Variants in CENPC observed in about 807,000 individuals in gnomAD.
The protein encoded by CENPC is centromere protein C.
In CENPC, 63 loss-of-function variants were observed where a neutral mutation model predicts 112.1. The observed-to-expected ratio is 0.56, with a 90% CI of 0.46 to 0.69. CENPC has a LOEUF of 0.69. CENPC is among the 30% of genes least tolerant of loss of function. The pLI is 0.00. For synonymous variants in CENPC, 333 were observed against 367.6 expected (o/e 0.91, Z 1.08); for missense variants, 1,000 against 1,103.8 (o/e 0.91, Z 1.33).
intron 12 of CENPC, among the ~76,000 whole-genome samples, chr4:67,501,692 T>C (rs1474911146): frequency 6.6e-6 from 1 of 152,178 alleles, no homozygotes; most frequent in African/African-American, 2.4e-5. Context: ...TCCTTATTTG[T>C]ATGGTTCGAG....
intron 4 of CENPC, among the ~76,000 whole-genome samples, chr4:67,534,071 C>A (rs373014913): frequency 3.3e-5 from 5 of 151,426 alleles, no homozygotes; most frequent in Non-Finnish European, 7.4e-5. Context: ...GTGTTAAAAG[C>A]GTGTATAGTT....
intron 4 of CENPC, among the ~76,000 whole-genome samples, chr4:67,531,528 T>C (rs554968306): frequency 6.6e-6 from 1 of 152,342 alleles, no homozygotes; most frequent in Non-Finnish European, 1.5e-5. Flanking sequence ...CCTAGACTGT[T>C]TGTATAAATA....
chr4:67,510,349 G>A (rs2646290), intron 9 of CENPC, among the ~76,000 whole-genome samples: 95,849 of 152,042 alleles, frequency 0.63, 30,479 homozygotes, highest in East Asian at 0.81. Context: ...CCTTCAGGAA[G>A]CTTTCCCTAA....
intron 17 of CENPC, among the ~76,000 whole-genome samples, chr4:67,478,036 G>A (rs1052423798): frequency 3.3e-5 from 5 of 151,920 alleles, no homozygotes; most frequent in African/African-American, 9.7e-5. Context: ...ACAAAGCCTT[G>A]AAGAAGTTTG....
intron 7 of CENPC, among the ~76,000 whole-genome samples, chr4:67,517,635 C>T (rs777020936): frequency 6.1e-4 from 93 of 151,508 alleles, no homozygotes; most frequent in South Asian, 1.5e-3. Context: ...GTCAGGAGTT[C>T]GAGACCAGCC....
At chr4:67,490,863 T>G (rs28735022) in intron 16 of CENPC, among the ~76,000 whole-genome samples, 29,904 of 63,886 alleles carry the variant, frequency 0.47, 3,576 homozygotes, top group South Asian at 0.55. Context: ...TATATATATA[T>G]ATATATATAT....
At chr4:67,522,594 T>C (rs55792839) in intron 5 of CENPC, among the ~76,000 whole-genome samples, 26,409 of 152,172 alleles carry the variant, frequency 0.17, 2,843 homozygotes, top group South Asian at 0.27. Flanking sequence ...TATAGCCTTT[T>C]ATGACCTAAT....
At position 67,545,480 on chromosome 4, in the gene CENPC, T is replaced by A. The variant is rs1727010299; in HGVS notation, c.-125A>T. 6 of 980,228 alleles carry A rather than the reference T, an allele frequency of 6.1e-6. No individual in the cohort carries two copies. The highest frequency in any genetic ancestry group is 6.9e-6 in the Non-Finnish European group (5 of 725,054). The allele number at this position is 980,228 out of a possible 1,614,324, so 60.7% of individuals were successfully genotyped here. A position where few individuals can be genotyped will look rare whatever the true frequency, so the allele number is the denominator to read the frequency against. On this transcript the variant is annotated 5_prime_UTR_variant, in exon 1 of 19. Transcript: ENST00000273853. ...GCCGCGGCCAAGCAATAACCTTAAGTCTCAGGCGACTGCCGCGAGAGCTGC... is the reference window on the plus strand; with the variant it reads ...GCCGCGGCCAAGCAATAACCTTAAGACTCAGGCGACTGCCGCGAGAGCTGC...
At position 67,509,087 on chromosome 4, in the gene CENPC, G is replaced by A; in HGVS notation, c.1631C>T (p.Ser544Phe). ...KSEESPVYSN[S>F]SVRNELPMHH... ...CATTGGTAATTCATTTCTTACTGAA[G>A]AATTGCTATAAACAGGACCTGAAGG... The change falls in exon 10 of 19, where the codon TCT becomes TTT. Residue 544 changes from serine (S) to phenylalanine (F), a missense_variant. Coordinates refer to ENST00000273853, the MANE Select transcript of CENPC (RefSeq NM_001812.4). The A allele has an allele frequency of 6.2e-7, 1 of 1,607,430 alleles. No homozygotes were observed. The highest frequency in any genetic ancestry group is 2.2e-5 in the East Asian group (1 of 44,764).
Position 67,490,115 on chromosome 4 carries a change from A to C in CENPC, c.2522T>G (p.Val841Gly). The C allele has an allele frequency of 6.2e-7, 1 of 1,600,698 alleles. No homozygotes were observed. Among genetic ancestry groups the C allele is most frequent in the Non-Finnish European group, 8.5e-7 (1 of 1,174,342 alleles). The change falls in exon 17 of 19, where the codon GTA (valine) becomes GGA (glycine). Residue 841 changes from valine to glycine, a missense_variant. By Grantham distance (109) the Val-to-Gly change is moderately radical. Transcript: ENST00000273853. ...ETREIILMDL[V>G]RPQDTYQFFV... ...AAATTGATATGTATCTTGTGGCCTT[A>C]CAAGATCTAGGAGTAAAACAGTAAT...
chr4:67,515,649 T>A (rs173317), intron 7 of CENPC, among the ~76,000 whole-genome samples: 1 of 151,854 alleles, frequency 6.6e-6, no homozygotes, highest in Non-Finnish European at 1.5e-5. Flanking sequence ...AAATAATAAA[T>A]GTTGTTTTAA....
chr4:67,531,957 C>T (rs1443704071), intron 4 of CENPC, among the ~76,000 whole-genome samples: 1 of 152,126 alleles, frequency 6.6e-6, no homozygotes, highest in East Asian at 1.9e-4. Flanking sequence ...AGTGAACAGG[C>T]AACCTACAGA....
chr4:67,474,153 C>T (rs1724743112), intron 18 of CENPC, among the ~76,000 whole-genome samples: 1 of 152,016 alleles, frequency 6.6e-6, no homozygotes, highest in Admixed American at 6.6e-5. Flanking sequence ...CAAGCTCCAC[C>T]TCCCAGGTTC....
intron 17 of CENPC, among the ~76,000 whole-genome samples, chr4:67,475,223 G>A (rs1270621950): frequency 6.6e-6 from 1 of 152,216 alleles, no homozygotes; most frequent in Admixed American, 6.5e-5. Context: ...TTCTCCTGCT[G>A]GAAGCAGAGA....
At chr4:67,486,686 C>A (rs1725102713) in intron 17 of CENPC, among the ~76,000 whole-genome samples, 1 of 152,168 alleles carries the variant, frequency 6.6e-6, no homozygotes. Flanking sequence ...GCCTTACCTA[C>A]AGGACGGCCC....
chr4:67,540,371 A>G (rs1480298640), intron 3 of CENPC, among the ~76,000 whole-genome samples: 2 of 152,150 alleles, frequency 1.3e-5, no homozygotes, highest in Non-Finnish European at 2.9e-5. Context: ...ATCTATTTTC[A>G]TTATATATTT....
At chr4:67,542,583 T>C (rs995869708) in intron 2 of CENPC, among the ~76,000 whole-genome samples, 9 of 152,148 alleles carry the variant, frequency 5.9e-5, no homozygotes, top group Non-Finnish European at 1.2e-4. Flanking sequence ...CCAATTTAAT[T>C]AGATTTCCTA....
chr4:67,505,384 CTT>C, intron 11 of CENPC, 100 bp from the exon 12 acceptor site: 1 of 702,196 alleles, frequency 1.4e-6, no homozygotes, highest in Non-Finnish European at 2.4e-6. Context: ...TGCCATAAGT[CTT>C]TCTTATAAAA....
rs183793887 is a variant in CENPC, at chr4:67,469,153, T to C, written c.*3452A>G. On this transcript the variant is annotated 3_prime_UTR_variant, in exon 19 of 19. Coordinates refer to ENST00000273853, the MANE Select transcript of CENPC (RefSeq NM_001812.4). ...ATTAAAGACACATGCATCCATGTGG[T>C]AAGTAAATGGACAACAAACTGTGGA... is the stretch of plus-strand genomic sequence containing the variant. The C allele has an allele frequency of 1.5e-3, 229 of 152,274 alleles. 1 individual carries two copies. Among genetic ancestry groups the C allele is most frequent in the African/African-American group, 5.2e-3 (218 of 41,554 alleles). The allele number at this position is 152,274 out of a possible 1,614,324, so 9.4% of individuals were successfully genotyped here. A position where few individuals can be genotyped will look rare whatever the true frequency, so the allele number is the denominator to read the frequency against.
Sources: allele counts gnomAD v4.1 joint callset (sites outside exome capture counted in the v4.1 genomes callset), GRCh38; gene constraint gnomAD v4.1.1; transcripts MANE v1.5; gene names NCBI Gene and HGNC (gene_info 2026-07-23, HGNC 2026-07-21).